TMCO4: variants seen among roughly 807,000 people sequenced by gnomAD.
TMCO4 encodes the protein transmembrane and coiled-coil domains 4.
TMCO4 carries 58 observed loss-of-function variants against 64.7 expected under a neutral mutation model. That is an observed-to-expected ratio of 0.90 (90% CI 0.73 to 1.12). TMCO4 has a LOEUF of 1.12. Among genes scored for constraint, TMCO4 ranks in the 50% most tolerant of loss-of-function variants. The pLI is 0.00. For missense variants in TMCO4, 780 were observed against 825.9 expected (o/e 0.94, Z 0.68); for synonymous variants, 325 against 346.1 (o/e 0.94, Z 0.68).
intron 15 of TMCO4, among the ~76,000 whole-genome samples, chr1:19,688,521 G>C (rs1482611084): frequency 7.9e-5 from 12 of 152,148 alleles, no homozygotes; most frequent in Non-Finnish European, 8.8e-5. Context: ...GGCTAATAAA[G>C]AGACCTATAC....
In TMCO4 at chr1:19,780,464, G is replaced by A. The variant is rs548984675; in HGVS notation, c.179+116C>T. On this transcript the variant is annotated intron_variant, in intron 4 of 15. Coordinates refer to ENST00000294543, the MANE Select transcript of TMCO4 (RefSeq NM_181719.7). ...TTAGAGACCCCTGCGTTAGAGGCAA[G>A]GACAATGACTTGCCCCTCTCTGCAT... 7 of 1,283,446 alleles carry A rather than the reference G, an allele frequency of 5.5e-6. No homozygotes were observed. In the African/African-American group the frequency reaches 1.1e-4, roughly 19 times the overall value. 79.5% of individuals were successfully genotyped at this position (1,283,446 alleles called of 1,614,324 possible).
intron 4 of TMCO4, among the ~76,000 whole-genome samples, chr1:19,777,137 T>G (rs2043245182): frequency 6.6e-6 from 1 of 151,592 alleles, no homozygotes; most frequent in Admixed American, 6.6e-5. Context: ...ATCTAGCCAA[T>G]GACACCAAAG....
At position 19,771,399 on chromosome 1, in the gene TMCO4, G is replaced by A. The variant is rs537512261; in HGVS notation, c.263C>T (p.Ala88Val). ...EAVLPTMTAF[A>V]SGLGGEGADV... is the part of the protein sequence containing the mutation. ...TGCTCCTTCACCTCCCAGGCCGCTC[G>A]CAAAAGCAGTCATGGTTGGCAAGAC... The change falls in exon 5 of 16, where the codon GCG becomes GTG. Residue 88 changes from alanine (A) to valine (V), a missense_variant. Ala to Val is a moderately conservative substitution (Grantham distance 64). Transcript: ENST00000294543. 6.0e-5 allele frequency: 97 copies of A among 1,614,130 alleles called. 2 individuals are homozygous for A. In the South Asian group the frequency reaches 8.1e-4, roughly 14 times the overall value.
chr1:19,789,141 C>T (rs897492882), intron 2 of TMCO4, among the ~76,000 whole-genome samples: 1 of 151,662 alleles, frequency 6.6e-6, no homozygotes, highest in African/African-American at 2.4e-5. Flanking sequence ...GTGGCTCACG[C>T]CTGTAATCCC....
chr1:19,745,144 G>A (rs913194578), intron 10 of TMCO4, among the ~76,000 whole-genome samples: 8 of 151,518 alleles, frequency 5.3e-5, no homozygotes, highest in Non-Finnish European at 7.4e-5. Flanking sequence ...GGATGCATGG[G>A]TTCATGGGTG....
intron 15 of TMCO4, among the ~76,000 whole-genome samples, chr1:19,685,886 C>T (rs1331522815): frequency 4.6e-5 from 7 of 151,872 alleles, no homozygotes; most frequent in East Asian, 3.8e-4. Context: ...CTACCATGCC[C>T]GGCTAATTTT....
chr1:19,752,925 G>A (rs1016686274), intron 7 of TMCO4, among the ~76,000 whole-genome samples: 4 of 151,414 alleles, frequency 2.6e-5, no homozygotes, highest in Admixed American at 6.6e-5. Context: ...ACGTTCTTAC[G>A]ATGTGAGCGG....
intron 14 of TMCO4, 23 bp from the exon 15 acceptor site, chr1:19,694,574 G>A (rs745424246): frequency 1.9e-6 from 3 of 1,608,396 alleles, no homozygotes; most frequent in Non-Finnish European, 2.6e-6. Flanking sequence ...AGAGAAGCAT[G>A]TGAACATTAG....
At chr1:19,723,819 G>A (rs1409354327) in intron 13 of TMCO4, among the ~76,000 whole-genome samples, 1 of 152,130 alleles carries the variant, frequency 6.6e-6, no homozygotes, top group African/African-American at 2.4e-5. Flanking sequence ...TCTGTGAGAG[G>A]AGGGTGAAGC....
chr1:19,722,606 T>C (rs1341587943), intron 13 of TMCO4, among the ~76,000 whole-genome samples: 1 of 152,184 alleles, frequency 6.6e-6, no homozygotes, highest in Non-Finnish European at 1.5e-5. Context: ...AGCACCCAAC[T>C]CTTTACTCTG....
At chr1:19,745,501 C>T in intron 10 of TMCO4, 31 bp downstream of exon 10, 1 of 1,613,794 alleles carries the variant, frequency 6.2e-7, no homozygotes, top group South Asian at 1.1e-5. Flanking sequence ...ACTGCCCACC[C>T]CCCTCCACTT....
chr1:19,740,278 G>A (rs147674361), intron 11 of TMCO4, among the ~76,000 whole-genome samples: 27 of 152,280 alleles, frequency 1.8e-4, no homozygotes, highest in African/African-American at 5.5e-4. Flanking sequence ...TCAGCCATGT[G>A]ACTTGCTTTT....
chr1:19,694,825 G>C (rs2095224914), intron 14 of TMCO4, among the ~76,000 whole-genome samples: 1 of 152,230 alleles, frequency 6.6e-6, no homozygotes, highest in African/African-American at 2.4e-5. Flanking sequence ...TGGGTCTCCA[G>C]AGCTAAGAAC....
rs1226676762 is a variant in TMCO4 at position 19,780,735 on chromosome 1, G to GCATGGCCTGTTCCA, written c.10_23dup (p.Gln9GlyfsTer14). The stretch of plus-strand genomic sequence containing the variant: ...CCAGAGGCTGCTGAGGCAGCCTCTG[G>GCATGGCCTGTTCCA]CATGGCCTGTTCCACATGGCCATTC... On this transcript the variant is annotated frameshift_variant, in exon 4 of 16. Transcript: ENST00000294543. LOFTEE classifies it high-confidence loss of function. The GCATGGCCTGTTCCA allele has an allele frequency of 6.3e-7, 1 of 1,598,740 alleles. No homozygotes were observed. Among genetic ancestry groups the GCATGGCCTGTTCCA allele is most frequent in the East Asian group, 2.2e-5 (1 of 44,762 alleles).
chr1:19,794,043 C>T (rs921986832), intron 2 of TMCO4, among the ~76,000 whole-genome samples: 2 of 152,012 alleles, frequency 1.3e-5, no homozygotes, highest in Non-Finnish European at 2.9e-5. Context: ...TGCCTCTCTG[C>T]CCCCCACCCC....
At chr1:19,711,098 T>C (rs890996690) in intron 13 of TMCO4, among the ~76,000 whole-genome samples, 1 of 152,232 alleles carries the variant, frequency 6.6e-6, no homozygotes, top group Non-Finnish European at 1.5e-5. Context: ...ATATAGCTGC[T>C]GGTAAGCTGC....
intron 2 of TMCO4, among the ~76,000 whole-genome samples, chr1:19,795,702 A>G (rs1371165316): frequency 6.6e-6 from 1 of 152,156 alleles, no homozygotes; most frequent in African/African-American, 2.4e-5. Flanking sequence ...GTCATGTGGT[A>G]TTTCAACTTG....
At chr1:19,710,193 ACCTCCCAGGCTCAAGCCAC>A (rs1212217173) in intron 13 of TMCO4, among the ~76,000 whole-genome samples, 2 of 151,354 alleles carry the variant, frequency 1.3e-5, no homozygotes, top group Non-Finnish European at 2.9e-5. Context: ...TGCAGCCTCA[ACCTCCCAGGCTCAAGCCAC>A]CCTCCTGCCT....
At position 19,787,072 on chromosome 1, in the gene TMCO4, G is replaced by T. The variant is rs2043782412; in HGVS notation, c.-55C>A. On this transcript the variant is annotated 5_prime_UTR_variant, in exon 3 of 16. Coordinates refer to ENST00000294543, the MANE Select transcript of TMCO4 (RefSeq NM_181719.7). ...TGGGCCTCTCTCTGTCTGAAGACAG[G>T]CTGCTCAGGTTCTGGATGGTTCTTT... is the stretch of plus-strand genomic sequence containing the variant. The T allele has an allele frequency of 6.6e-6, 1 of 152,286 alleles. No individual in the cohort carries two copies. Among genetic ancestry groups the T allele is most frequent in the South Asian group, 2.1e-4 (1 of 4,828 alleles). 9.4% of individuals were successfully genotyped at this position (152,286 alleles called of 1,614,324 possible).
Sources: allele counts gnomAD v4.1 joint callset (sites outside exome capture counted in the v4.1 genomes callset), GRCh38; gene constraint gnomAD v4.1.1; transcripts MANE v1.5; gene names NCBI Gene and HGNC (gene_info 2026-07-23, HGNC 2026-07-21).